The following ESR2 variants were observed in gnomAD, a reference collection of about 807,000 sequenced individuals.
ESR2 encodes the protein estrogen receptor 2.
A neutral mutation model predicts 49.6 loss-of-function variants in ESR2; 36 were observed. The ratio of observed to expected loss-of-function variants is 0.73; its 90% confidence interval spans 0.56 to 0.96. The LOEUF (loss-of-function observed/expected upper bound fraction) is 0.96, where lower values mean the gene tolerates loss of function less well. Among genes scored for constraint, ESR2 ranks in the 40% least tolerant of loss-of-function variants. ESR2 has a pLI of 0.00. For synonymous variants in ESR2, 320 were observed against 266.1 expected (o/e 1.20, Z -1.97); for missense variants, 714 against 693.0 (o/e 1.03, Z -0.34).
intron 8 of ESR2, chr14:64,233,584 T>A (rs1331279628): frequency 2.3e-6 from 1 of 438,306 alleles, no homozygotes; most frequent in Non-Finnish European, 4.1e-6. Flanking sequence ...CCTCATTGTT[T>A]GCGGTAATTA....
upstream of ESR2, among the ~76,000 whole-genome samples, chr14:64,295,823 A>G (rs1049106820): frequency 1.3e-5 from 2 of 152,130 alleles, no homozygotes; most frequent in African/African-American, 4.8e-5. Context: ...AGGCAGGTGG[A>G]TCACGAGGTC....
chr14:64,300,083 G>A (rs552379685), intron 1 of ESR2, among the ~76,000 whole-genome samples: 2 of 152,208 alleles, frequency 1.3e-5, no homozygotes, highest in South Asian at 4.1e-4. Context: ...TGCTGTCCTG[G>A]CATGACACTG....
intron 4 of ESR2, among the ~76,000 whole-genome samples, chr14:64,262,953 C>T (rs1315857428): frequency 1.3e-5 from 2 of 152,000 alleles, no homozygotes; most frequent in Non-Finnish European, 2.9e-5. Context: ...GACTTTTAAA[C>T]TAGCAAAAGA....
At chr14:64,331,670 C>A (rs2140907453) in intron 1 of ESR2, among the ~76,000 whole-genome samples, 1 of 151,944 alleles carries the variant, frequency 6.6e-6, no homozygotes. Flanking sequence ...ACTAAAAATA[C>A]AAGAAATTAG....
intron 1 of ESR2, among the ~76,000 whole-genome samples, chr14:64,306,218 AAAAAAGAAAGT>A (rs1342355723): frequency 6.6e-6 from 1 of 152,132 alleles, no homozygotes; most frequent in Non-Finnish European, 1.5e-5. Flanking sequence ...AAAAGAAAAA[AAAAAAGAAAGT>A]AAAAAGAAAA....
In ESR2 at chr14:64,231,813, A is replaced by C. The variant is rs2098727498; in HGVS notation, c.*1324T>G. The C allele has an allele frequency of 6.6e-6, 1 of 152,208 alleles. No individual in the cohort carries two copies. The highest frequency in any genetic ancestry group is 2.1e-4 in the South Asian group (1 of 4,826). The allele number at this position is 152,208 out of a possible 1,614,324, so 9.4% of individuals were successfully genotyped here. On this transcript the variant is annotated 3_prime_UTR_variant, in exon 9 of 9. Transcript: ENST00000341099. Reference sequence around the variant, plus strand: ...CATTTTACATATTCACCGTGTATCCAAAACTGGAAATTTCACATCTTTTAA... The same window carrying C: ...CATTTTACATATTCACCGTGTATCCCAAACTGGAAATTTCACATCTTTTAA...
intron 1 of ESR2, among the ~76,000 whole-genome samples, chr14:64,314,877 CAAAAAAA>C (rs1179436563): frequency 0.041 from 837 of 20,406 alleles, 6 homozygotes; most frequent in African/African-American, 0.11. Flanking sequence ...GACTCCGTCT[CAAAAAAA>C]AAAAAAAAAA....
At chr14:64,259,165 A>G (rs57378655) in intron 5 of ESR2, among the ~76,000 whole-genome samples, 11,716 of 152,342 alleles carry the variant, frequency 0.077, 550 homozygotes, top group Non-Finnish European at 0.098. Flanking sequence ...CAGAGAAAAT[A>G]AAATAATTCT....
chr14:64,254,937 C>T (rs1292371605), intron 6 of ESR2, among the ~76,000 whole-genome samples: 3 of 151,820 alleles, frequency 2.0e-5, no homozygotes, highest in African/African-American at 7.3e-5. Flanking sequence ...ATAATACTTT[C>T]ACTTAAGTTA....
intron 7 of ESR2, among the ~76,000 whole-genome samples, chr14:64,237,054 G>A (rs575002487): frequency 7.9e-5 from 12 of 151,776 alleles, no homozygotes; most frequent in East Asian, 7.8e-4. Flanking sequence ...TCCGCCTCCC[G>A]GTTTCAAGCA....
intron 5 of ESR2, among the ~76,000 whole-genome samples, chr14:64,258,622 C>T (rs543086874): frequency 4.6e-5 from 7 of 152,302 alleles, no homozygotes; most frequent in African/African-American, 1.7e-4. Flanking sequence ...AGAGAACACA[C>T]ATGGTTCAAG....
chr14:64,243,302 A>G (rs1259567946), intron 7 of ESR2, among the ~76,000 whole-genome samples: 2 of 152,244 alleles, frequency 1.3e-5, no homozygotes, highest in Non-Finnish European at 2.9e-5. Context: ...CAATTACAAT[A>G]GTAACATCAA....
chr14:64,295,816 C>T (rs1567786440), upstream of ESR2, among the ~76,000 whole-genome samples: 1 of 152,064 alleles, frequency 6.6e-6, no homozygotes, highest in Non-Finnish European at 1.5e-5. Flanking sequence ...GAGGCCGAGG[C>T]AGGTGGATCA....
At chr14:64,273,297 G>A (rs1412216997) in intron 3 of ESR2, among the ~76,000 whole-genome samples, 1 of 152,014 alleles carries the variant, frequency 6.6e-6, no homozygotes, top group Non-Finnish European at 1.5e-5. Context: ...CAATTTAGAT[G>A]CCCTTTATTT....
chr14:64,284,522 G>T (rs1056182457), intron 1 of ESR2, among the ~76,000 whole-genome samples: 2 of 148,830 alleles, frequency 1.3e-5, no homozygotes, highest in African/African-American at 4.9e-5. Context: ...GGGTTTCACC[G>T]TGTTGGCCAG....
chr14:64,308,856 T>C (rs542575552), intron 1 of ESR2, among the ~76,000 whole-genome samples: 3 of 152,082 alleles, frequency 2.0e-5, no homozygotes, highest in Non-Finnish European at 4.4e-5. Flanking sequence ...TAGCTCATTG[T>C]AACCTCAAAT....
In ESR2 at chr14:64,282,326, CAG is replaced by C. The variant is rs138276332; in HGVS notation, c.362+296_362+297del. On this transcript the variant is annotated intron_variant, in intron 2 of 8. Coordinates refer to ENST00000341099, the MANE Select transcript of ESR2 (RefSeq NM_001437.3). The stretch of plus-strand genomic sequence containing the variant: ...TGCCATTATACTCCAGTCTGAGTGA[CAG>C]AGCGAGACCCTGTCTCAAAAAAAGA... Among the ~76,000 whole-genome samples the C allele has an allele frequency of 3.5e-3, 540 of 152,254 alleles. 9 individuals carry two copies. The highest frequency in any genetic ancestry group is 0.013 in the African/African-American group (526 of 41,550).
chr14:64,322,922 C>G (rs900552668), intron 1 of ESR2, among the ~76,000 whole-genome samples: 18 of 152,256 alleles, frequency 1.2e-4, no homozygotes, highest in Non-Finnish European at 2.5e-4. Flanking sequence ...AATTAAGATA[C>G]ATGCATACTA....
Position 64,280,014 on chromosome 14 carries a change from C to T in ESR2, c.502G>A (p.Gly168Arg). ...GYHYGVWSCE[G>R]CKAFFKRSIQ... is the part of the protein sequence containing the mutation. ...CTTCTTTTAAAAAAGGCCTTACATC[C>T]TTCACACGACCAGACTCCATAGTGA... Residue 168 changes from glycine to arginine, a missense_variant, in exon 3 of 9, where the codon GGA (glycine) becomes AGA (arginine). Transcript: ENST00000341099. The T allele has an allele frequency of 6.2e-7, 1 of 1,614,172 alleles. No individual in the cohort carries two copies. The highest frequency in any genetic ancestry group is 1.3e-5 in the African/African-American group (1 of 75,046).
Sources: gnomAD v4.1 joint callset for allele counts (sites outside exome capture counted in the v4.1 genomes callset) on GRCh38, gnomAD v4.1.1 for gene constraint, MANE v1.5 for transcripts, NCBI Gene and HGNC (gene_info 2026-07-23, HGNC 2026-07-21) for gene names.